The following CPAMD8 variants were observed in gnomAD, a reference collection of about 807,000 sequenced individuals.
CPAMD8 encodes the protein C3 and PZP like alpha-2-macroglobulin domain containing 8.
In CPAMD8, 146 loss-of-function variants were observed where a neutral mutation model predicts 224.7. That is an observed-to-expected ratio of 0.65 (90% CI 0.57 to 0.75). The LOEUF (loss-of-function observed/expected upper bound fraction) is 0.75. Among genes scored for constraint, CPAMD8 ranks in the 30% least tolerant of loss-of-function variants. CPAMD8 has a pLI of 0.00. For missense variants in CPAMD8, 2,301 were observed against 2,537.5 expected (o/e 0.91, Z 2.00); for synonymous variants, 966 against 1,044.6 (o/e 0.92, Z 1.45).
chr19:16,934,353 ATAT>A (rs1331885434), intron 23 of CPAMD8, among the ~76,000 whole-genome samples: 1 of 152,236 alleles, frequency 6.6e-6, no homozygotes, highest in Non-Finnish European at 1.5e-5. Context: ...CATATTTAAA[ATAT>A]TATTGCCTTT....
intron 22 of CPAMD8, among the ~76,000 whole-genome samples, chr19:16,942,228 G>A (rs757934015): frequency 4.6e-5 from 7 of 152,078 alleles, no homozygotes; most frequent in East Asian, 1.9e-4. Context: ...TTGGGAGACC[G>A]AGGCGGGCGG....
Position 17,012,194 on chromosome 19 carries a change from T to C in CPAMD8, c.268-437A>G, listed in dbSNP as rs138858997. Among the ~76,000 whole-genome samples, 480 of 152,176 alleles carry C rather than the reference T, an allele frequency of 3.2e-3. 22 individuals are homozygous for C. In the East Asian group the frequency reaches 0.086, roughly 27 times the overall value. On this transcript the variant is annotated intron_variant, in intron 3 of 41. Transcript: ENST00000443236. ...TCACCATGCCTGGCTAATTTTTATGTTTTTAGTAGAAACGGGGTTTCACCA... is the reference window on the plus strand; with the variant it reads ...TCACCATGCCTGGCTAATTTTTATGCTTTTAGTAGAAACGGGGTTTCACCA...
intron 23 of CPAMD8, among the ~76,000 whole-genome samples, chr19:16,933,056 A>T (rs1192237132): frequency 6.6e-6 from 1 of 152,116 alleles, no homozygotes; most frequent in Non-Finnish European, 1.5e-5. Flanking sequence ...AGGCTGAGGC[A>T]GGAAGATCAC....
Position 16,914,726 on chromosome 19 carries a change from C to T in CPAMD8, c.3717G>A (p.Trp1239Ter), listed in dbSNP as rs527867807. The change falls in exon 28 of 42, where the codon TGG becomes TGA. Residue 1239 changes from tryptophan (W) to a stop codon, truncating the protein, a stop_gained. Transcript: ENST00000443236. LOFTEE classifies it high-confidence loss of function. ...CATCGGCCTGCTGCTGCTGGATGAT[C>T]CAGCTCTTGGCGGCAGCCAGCTCCC... The part of the protein sequence containing the change: ...DPRELAAAKS[W>*]IIQQQQADGS... 6.2e-7 allele frequency: 1 copy of T among 1,614,142 alleles called. No homozygotes were observed. The highest frequency in any genetic ancestry group is 1.1e-5 in the South Asian group (1 of 91,088).
At chr19:16,971,187 T>G in intron 17 of CPAMD8, 154 bp from the exon 18 acceptor site, 1 of 609,472 alleles carries the variant, frequency 1.6e-6, no homozygotes, top group East Asian at 3.1e-5. Flanking sequence ...TTTGGGTTTG[T>G]TTTGTTTTGT....
intron 19 of CPAMD8, among the ~76,000 whole-genome samples, chr19:16,956,833 A>AT (rs980274722): frequency 6.6e-6 from 1 of 151,468 alleles, no homozygotes; most frequent in African/African-American, 2.4e-5. Context: ...ATGCCCAGCT[A>AT]TTTTTTGCGT....
At chr19:17,003,733 G>A (rs1277448691) in intron 8 of CPAMD8, among the ~76,000 whole-genome samples, 2 of 147,440 alleles carry the variant, frequency 1.4e-5, no homozygotes, top group Admixed American at 6.8e-5. Flanking sequence ...AGCCAAGATC[G>A]CACCACTGCA....
chr19:16,895,911 A>T (rs759820497), intron 41 of CPAMD8: 3 of 589,906 alleles, frequency 5.1e-6, no homozygotes, highest in African/African-American at 1.9e-5. Context: ...ACGCACACAC[A>T]CACACACACA....
chr19:16,922,091 C>A, intron 26 of CPAMD8, 105 bp from the exon 27 acceptor site: 1 of 710,054 alleles, frequency 1.4e-6, no homozygotes, highest in Non-Finnish European at 2.4e-6. Context: ...ATCTCCGAAG[C>A]CACACCACAT....
chr19:17,025,644 A>C (rs908883633), intron 1 of CPAMD8, among the ~76,000 whole-genome samples: 8 of 152,076 alleles, frequency 5.3e-5, no homozygotes, highest in Non-Finnish European at 1.0e-4. Context: ...ACCTCCAGAC[A>C]TTTCCCAGCG....
chr19:16,960,695 A>G (rs1317691298), intron 18 of CPAMD8, among the ~76,000 whole-genome samples: 1 of 152,026 alleles, frequency 6.6e-6, no homozygotes. Context: ...GGAGGTCAGG[A>G]GTTCAAGACC....
chr19:16,913,120 C>G (rs2052791649), intron 29 of CPAMD8, among the ~76,000 whole-genome samples: 1 of 152,124 alleles, frequency 6.6e-6, no homozygotes, highest in African/African-American at 2.4e-5. Context: ...GCTGTCCATT[C>G]CAACTCGAGT....
intron 19 of CPAMD8, among the ~76,000 whole-genome samples, chr19:16,955,333 G>A (rs1194107613): frequency 6.6e-6 from 1 of 151,932 alleles, no homozygotes; most frequent in Non-Finnish European, 1.5e-5. Flanking sequence ...TTCTGACATG[G>A]ATTCTCCAAC....
intron 20 of CPAMD8, among the ~76,000 whole-genome samples, 188 bp from the exon 21 acceptor site, chr19:16,947,415 C>T (rs1307291293): frequency 3.9e-5 from 6 of 152,182 alleles, no homozygotes; most frequent in African/African-American, 1.4e-4. Flanking sequence ...CTGTCTGGTG[C>T]CCCACTTGGC....
chr19:16,989,285 C>G (rs1274394097), intron 13 of CPAMD8, among the ~76,000 whole-genome samples: 1 of 152,104 alleles, frequency 6.6e-6, no homozygotes, highest in Non-Finnish European at 1.5e-5. Context: ...GCCTTAGGGG[C>G]TCACTCATGC....
chr19:16,962,625 A>G (rs1303770270), intron 18 of CPAMD8, among the ~76,000 whole-genome samples: 4 of 152,212 alleles, frequency 2.6e-5, no homozygotes, highest in Non-Finnish European at 5.9e-5. Context: ...TCTGCAGGAT[A>G]TTATCCAGGA....
rs766923635 is a variant in CPAMD8 at position 16,896,278 on chromosome 19, G to A, written c.5324C>T (p.Ala1775Val). 46 of 1,613,260 alleles carry A rather than the reference G, an allele frequency of 2.9e-5. 1 individual carries two copies. The South Asian group carries it at 4.8e-4, about 17-fold the overall frequency. ...CTGTAAAGGCCCCGGGGCCACAGAAGCCAGGTCATCCCCGTAGGTGGAGGA... is the reference window on the plus strand; with the variant it reads ...CTGTAAAGGCCCCGGGGCCACAGAAACCAGGTCATCCCCGTAGGTGGAGGA... ...SSSSTYGDDL[A>V]SVAPGPLQQD... The change falls in exon 41 of 42, where the codon GCT becomes GTT. Residue 1775 changes from alanine (A) to valine (V), a missense_variant. By Grantham distance (64) the Ala-to-Val change is moderately conservative (BLOSUM62 0). Around this residue, in one of 4 missense-constraint regions of CPAMD8, gnomAD observed 1,709 missense variants for 1,753.2 expected, o/e 0.97. Coordinates refer to ENST00000443236, the MANE Select transcript of CPAMD8 (RefSeq NM_015692.5).
chr19:16,943,852 C>T (rs1251320505), intron 22 of CPAMD8, among the ~76,000 whole-genome samples: 1 of 152,166 alleles, frequency 6.6e-6, no homozygotes, highest in East Asian at 1.9e-4. Flanking sequence ...CACTCCAGAG[C>T]CCACTCCCTG....
chr19:17,026,276 C>A (rs2057078842), intron 1 of CPAMD8, among the ~76,000 whole-genome samples: 1 of 152,200 alleles, frequency 6.6e-6, no homozygotes, highest in Non-Finnish European at 1.5e-5. Context: ...AATCGCCACC[C>A]ATGATGACAG....
Sources: gnomAD v4.1 joint callset for allele counts (sites outside exome capture counted in the v4.1 genomes callset) on GRCh38, gnomAD v4.1.1 for gene constraint, gnomAD v4.1.1 regional missense constraint, MANE v1.5 for transcripts, NCBI Gene and HGNC (gene_info 2026-07-23, HGNC 2026-07-21) for gene names.